Variants in RPTOR observed in about 807,000 individuals in gnomAD.
The protein encoded by RPTOR is regulatory-associated protein of mTOR.
A neutral mutation model predicts 169.9 loss-of-function variants in RPTOR; 21 were observed. That is an observed-to-expected ratio of 0.12 (90% CI 0.09 to 0.18). The LOEUF (loss-of-function observed/expected upper bound fraction) is 0.18, where lower values mean the gene tolerates loss of function less well. RPTOR is among the 10% of genes least tolerant of loss of function. The pLI is 1.00. For synonymous variants in RPTOR, 732 were observed against 753.2 expected (o/e 0.97, Z 0.46); for missense variants, 1,133 against 1,855.9 (o/e 0.61, Z 7.16).
At chr17:80,902,258 C>T (rs113237910) in intron 20 of RPTOR, among the ~76,000 whole-genome samples, 2,645 of 152,312 alleles carry the variant, frequency 0.017, 76 homozygotes, top group African/African-American at 0.06. Context: ...TCGTTAAAAC[C>T]GCATTTTCTG....
intron 24 of RPTOR, among the ~76,000 whole-genome samples, chr17:80,930,511 T>TC (rs1218092500): frequency 2.9e-4 from 19 of 66,514 alleles, no homozygotes; most frequent in South Asian, 1.5e-3. Flanking sequence ...CCTCAGCTCA[T>TC]CTTCAGCTTA....
intron 1 of RPTOR, among the ~76,000 whole-genome samples, chr17:80,556,068 G>A (rs1568301707): frequency 6.8e-6 from 1 of 146,626 alleles, no homozygotes. Context: ...TGTGGTTCCC[G>A]AGACTCACAT....
intron 10 of RPTOR, among the ~76,000 whole-genome samples, chr17:80,839,895 C>G (rs988182764): frequency 6.6e-6 from 1 of 152,210 alleles, no homozygotes; most frequent in Non-Finnish European, 1.5e-5. Flanking sequence ...AAGGATTTTA[C>G]TCTATCTATG....
intron 20 of RPTOR, among the ~76,000 whole-genome samples, chr17:80,897,302 C>T (rs572458006): frequency 4.0e-4 from 60 of 151,836 alleles, no homozygotes; most frequent in African/African-American, 1.3e-3. Context: ...TGAGAGTAAA[C>T]GAAACCTTTC....
At chr17:80,863,370 C>T (rs2067942302) in intron 13 of RPTOR, among the ~76,000 whole-genome samples, 1 of 152,126 alleles carries the variant, frequency 6.6e-6, no homozygotes, top group African/African-American at 2.4e-5. Flanking sequence ...CAGATAGAAT[C>T]AGGAAAATAT....
intron 7 of RPTOR, among the ~76,000 whole-genome samples, chr17:80,816,345 G>C (rs937334391): frequency 4.6e-5 from 7 of 152,218 alleles, no homozygotes; most frequent in Non-Finnish European, 8.8e-5. Flanking sequence ...GGACCAGAGA[G>C]CAGCTGAGGG....
intron 21 of RPTOR, among the ~76,000 whole-genome samples, chr17:80,919,615 C>A (rs1475864909): frequency 6.6e-6 from 1 of 152,228 alleles, no homozygotes; most frequent in African/African-American, 2.4e-5. Flanking sequence ...CAGGGTGGGT[C>A]TCATTCCAGT....
chr17:80,620,335 G>C (rs2065345375), intron 1 of RPTOR, among the ~76,000 whole-genome samples: 1 of 152,146 alleles, frequency 6.6e-6, no homozygotes, highest in South Asian at 2.1e-4. Context: ...CATTAAATTT[G>C]ATAGCCCTTA....
chr17:80,585,707 T>A (rs1363718339), intron 1 of RPTOR, among the ~76,000 whole-genome samples: 1 of 152,214 alleles, frequency 6.6e-6, no homozygotes, highest in Non-Finnish European at 1.5e-5. Flanking sequence ...CAAAGTGAAT[T>A]CTACTTGGAG....
chr17:80,862,834 A>G (rs2067935301), intron 13 of RPTOR, among the ~76,000 whole-genome samples: 1 of 152,182 alleles, frequency 6.6e-6, no homozygotes, highest in Non-Finnish European at 1.5e-5. Flanking sequence ...ACCTGTGAAG[A>G]TCGCAGAGCC....
At position 80,883,455 on chromosome 17, in the gene RPTOR, G is replaced by A. The variant is rs765037698; in HGVS notation, c.1621G>A (p.Val541Met). 5.7e-5 allele frequency: 92 copies of A among 1,613,998 alleles called. No homozygotes were observed. Among genetic ancestry groups the A allele is most frequent in the Non-Finnish European group, 7.4e-5 (87 of 1,180,046 alleles). Residue 541 changes from valine to methionine, a missense_variant, in exon 15 of 34, where the codon GTG (valine) becomes ATG (methionine). Physicochemically the swap from Val to Met is conservative, Grantham distance 21 (BLOSUM62 1). This residue lies in a region of RPTOR where 289 missense variants were observed against 585.8 expected (regional missense o/e 0.49). Coordinates refer to ENST00000306801, the MANE Select transcript of RPTOR (RefSeq NM_020761.3). Reference sequence around the variant, plus strand: ...GACCATGACGGCTTTCATTCTCGCCGTGATCGTCAACAGCTATCACACGGG... The same window carrying A: ...GACCATGACGGCTTTCATTCTCGCCATGATCGTCAACAGCTATCACACGGG... ...HRTMTAFILA[V>M]IVNSYHTGQE...
chr17:80,684,787 T>C (rs541886986), intron 3 of RPTOR, among the ~76,000 whole-genome samples: 1 of 152,322 alleles, frequency 6.6e-6, no homozygotes, highest in Non-Finnish European at 1.5e-5. Flanking sequence ...CAAGATAGTA[T>C]ACTAGGTATG....
chr17:80,693,344 C>A (rs908509093), intron 3 of RPTOR, among the ~76,000 whole-genome samples: 4 of 152,202 alleles, frequency 2.6e-5, no homozygotes, highest in Non-Finnish European at 4.4e-5. Flanking sequence ...TTGCTCCCAG[C>A]GGAGATGGTG....
intron 6 of RPTOR, among the ~76,000 whole-genome samples, chr17:80,769,819 G>A (rs948990925): frequency 6.6e-6 from 1 of 152,224 alleles, no homozygotes; most frequent in Non-Finnish European, 1.5e-5. Context: ...AGTGAAGGAT[G>A]GTGGCCAGGA....
At chr17:80,809,870 C>G (rs995923801) in intron 7 of RPTOR, among the ~76,000 whole-genome samples, 1 of 151,998 alleles carries the variant, frequency 6.6e-6, no homozygotes, top group South Asian at 2.1e-4. Flanking sequence ...AAGCCCGTCT[C>G]TAATAAAAAT....
intron 32 of RPTOR, 143 bp from the exon 33 acceptor site, chr17:80,962,783 TGA>T: frequency 7.1e-7 from 1 of 1,417,508 alleles, no homozygotes; most frequent in Non-Finnish European, 9.5e-7. Flanking sequence ...GAGTCCTCAG[TGA>T]GAGTGACCAG....
intron 7 of RPTOR, among the ~76,000 whole-genome samples, chr17:80,807,578 C>G (rs1051483969): frequency 6.6e-6 from 1 of 152,182 alleles, no homozygotes; most frequent in African/African-American, 2.4e-5. Context: ...TCTTGAACTC[C>G]TGACCTCAGG....
chr17:80,853,647 C>T (rs2067819431), intron 11 of RPTOR, among the ~76,000 whole-genome samples: 1 of 152,144 alleles, frequency 6.6e-6, no homozygotes, highest in African/African-American at 2.4e-5. Context: ...AGCATAGCCA[C>T]CATTAAGGAA....
At chr17:80,948,910 G>A (rs2069137448) in intron 27 of RPTOR, among the ~76,000 whole-genome samples, 1 of 152,184 alleles carries the variant, frequency 6.6e-6, no homozygotes, top group Admixed American at 6.5e-5. Flanking sequence ...GTCTTAGGCG[G>A]AGAGCCCAGA....
Sources: gnomAD v4.1 joint callset for allele counts (sites outside exome capture counted in the v4.1 genomes callset) on GRCh38, gnomAD v4.1.1 for gene constraint, gnomAD v4.1.1 regional missense constraint, MANE v1.5 for transcripts, NCBI Gene and HGNC (gene_info 2026-07-23, HGNC 2026-07-21) for gene names.